Variants in CFAP299 observed in about 807,000 individuals in gnomAD.
CFAP299 encodes the protein cilia- and flagella-associated protein 299.
In CFAP299, 21 loss-of-function variants were observed where a neutral mutation model predicts 27.0. The observed-to-expected ratio is 0.78, with a 90% CI of 0.55 to 1.12. The LOEUF (loss-of-function observed/expected upper bound fraction) is 1.12. Among genes scored for constraint, CFAP299 ranks in the 50% most tolerant of loss-of-function variants. The pLI, the probability that CFAP299 is intolerant of heterozygous loss-of-function variation, is 0.00. For synonymous variants in CFAP299, 104 were observed against 98.1 expected (o/e 1.06, Z -0.36); for missense variants, 310 against 276.6 (o/e 1.12, Z -0.86).
intron 3 of CFAP299, among the ~76,000 whole-genome samples, chr4:80,740,902 C>T (rs1489578484): frequency 4.6e-5 from 7 of 152,074 alleles, no homozygotes; most frequent in Admixed American, 1.3e-4. Context: ...CAGCTTGTGG[C>T]GAATGCTGCC....
chr4:80,493,138 ATAGT>A (rs1156517066), intron 2 of CFAP299, among the ~76,000 whole-genome samples: 2 of 152,218 alleles, frequency 1.3e-5, no homozygotes, highest in East Asian at 1.9e-4. Context: ...GGTGTATATA[ATAGT>A]TATAGTTATC....
intron 3 of CFAP299, among the ~76,000 whole-genome samples, chr4:80,693,417 AATC>A (rs1198663848): frequency 4.6e-5 from 7 of 151,688 alleles, no homozygotes; most frequent in Admixed American, 3.9e-4. Flanking sequence ...TGAAATTGGA[AATC>A]ATCATTCTCA....
intron 4 of CFAP299, among the ~76,000 whole-genome samples, chr4:80,887,455 A>G (rs1302678102): frequency 5.9e-5 from 9 of 151,998 alleles, no homozygotes; most frequent in African/African-American, 2.2e-4. Flanking sequence ...AAGAAAAAAA[A>G]TACCCTTGAA....
At chr4:80,407,593 G>T (rs943518208) in intron 2 of CFAP299, among the ~76,000 whole-genome samples, 3 of 152,156 alleles carry the variant, frequency 2.0e-5, no homozygotes, top group Non-Finnish European at 4.4e-5. Flanking sequence ...GTACGAGTTT[G>T]TTCACCAAAG....
intron 5 of CFAP299, among the ~76,000 whole-genome samples, chr4:80,948,619 T>G (rs1472290523): frequency 6.6e-6 from 1 of 151,958 alleles, no homozygotes; most frequent in African/African-American, 2.4e-5. Flanking sequence ...GGTCTAAAAC[T>G]GGCATGAACC....
At chr4:80,532,361 T>C (rs954269295) in intron 2 of CFAP299, among the ~76,000 whole-genome samples, 42 of 152,216 alleles carry the variant, frequency 2.8e-4, no homozygotes, top group African/African-American at 1.0e-3. Flanking sequence ...GAATGTGATA[T>C]TAAAAAGTGG....
At chr4:80,397,451 C>G (rs190158287) in intron 2 of CFAP299, among the ~76,000 whole-genome samples, 55 of 152,190 alleles carry the variant, frequency 3.6e-4, no homozygotes, top group African/African-American at 7.5e-4. Context: ...TCTTGCTTCT[C>G]TAGTTCTTTT....
At chr4:80,689,619 C>T (rs2200478) in intron 3 of CFAP299, among the ~76,000 whole-genome samples, 141,919 of 152,198 alleles carry the variant, frequency 0.93, 66,241 homozygotes, top group East Asian at 1. Context: ...TGAGACTAGG[C>T]AGAAACTGCA....
At chr4:80,779,313 A>T (rs1165637271) in intron 3 of CFAP299, among the ~76,000 whole-genome samples, 1 of 151,850 alleles carries the variant, frequency 6.6e-6, no homozygotes, top group Non-Finnish European at 1.5e-5. Flanking sequence ...CAACACCTCT[A>T]CTCAGTATAT....
intron 2 of CFAP299, chr4:80,386,512 T>TGGG (rs151251894): frequency 1.4e-6 from 2 of 1,469,882 alleles, no homozygotes; most frequent in African/African-American, 3.0e-5. Context: ...CGGGCGGTGG[T>TGGG]GGGGGGGGGG....
At chr4:80,718,605 A>G (rs1440683968) in intron 3 of CFAP299, among the ~76,000 whole-genome samples, 1 of 152,114 alleles carries the variant, frequency 6.6e-6, no homozygotes, top group Non-Finnish European at 1.5e-5. Context: ...TAAAAGGTTG[A>G]TAATACATTA....
intron 3 of CFAP299, among the ~76,000 whole-genome samples, chr4:80,673,925 TG>T (rs1719207544): frequency 6.6e-6 from 1 of 151,332 alleles, no homozygotes; most frequent in Non-Finnish European, 1.5e-5. Flanking sequence ...TCTTTGCACA[TG>T]GGATGGGTCT....
At chr4:80,702,943 G>T (rs893065348) in intron 3 of CFAP299, among the ~76,000 whole-genome samples, 1 of 151,766 alleles carries the variant, frequency 6.6e-6, no homozygotes, top group African/African-American at 2.4e-5. Flanking sequence ...CTGTGCTAAT[G>T]CCATCCTTCA....
intron 3 of CFAP299, among the ~76,000 whole-genome samples, chr4:80,853,438 A>G (rs1397867351): frequency 1.3e-5 from 2 of 152,238 alleles, no homozygotes; most frequent in Non-Finnish European, 1.5e-5. Flanking sequence ...CCTGGAATGT[A>G]TATGCTACTT....
At chr4:80,351,893 AT>A (rs1475313308) in intron 1 of CFAP299, among the ~76,000 whole-genome samples, 1 of 150,294 alleles carries the variant, frequency 6.7e-6, no homozygotes, top group Non-Finnish European at 1.5e-5. Context: ...AATAATTATG[AT>A]TTATAAATAA....
intron 3 of CFAP299, among the ~76,000 whole-genome samples, chr4:80,591,804 A>C (rs1736803678): frequency 6.6e-6 from 1 of 152,204 alleles, no homozygotes; most frequent in Admixed American, 6.5e-5. Flanking sequence ...ATACTGCAGG[A>C]CCATTTCAAT....
At chr4:80,568,590 C>T (rs1735427286) in intron 2 of CFAP299, among the ~76,000 whole-genome samples, 1 of 152,096 alleles carries the variant, frequency 6.6e-6, no homozygotes, top group African/African-American at 2.4e-5. Flanking sequence ...TAGTGGATTG[C>T]ATTAATTTAT....
rs550827714 is a variant in CFAP299, at chr4:80,962,890, C to T, written c.607-627C>T. On this transcript the variant is annotated intron_variant, in intron 5 of 5. Coordinates refer to ENST00000358105, the MANE Select transcript of CFAP299 (RefSeq NM_152770.3). ...TCAGCTTTACCTAAACTTCTTTCTT[C>T]TCCCTTATCAATACCACATTAGCAA... Among the ~76,000 whole-genome samples the T allele has an allele frequency of 2.6e-5, 4 of 152,026 alleles. No individual in the cohort carries two copies. The East Asian group carries it at 5.8e-4, about 22-fold the overall frequency.
chr4:80,941,158 C>T (rs1012097318), intron 4 of CFAP299, among the ~76,000 whole-genome samples: 2 of 152,132 alleles, frequency 1.3e-5, no homozygotes, highest in Non-Finnish European at 2.9e-5. Flanking sequence ...ATAGTTGTTA[C>T]ACTGTACTGT....
Sources: allele counts gnomAD v4.1 joint callset (sites outside exome capture counted in the v4.1 genomes callset), GRCh38; gene constraint gnomAD v4.1.1; transcripts MANE v1.5; gene names NCBI Gene and HGNC (gene_info 2026-07-23, HGNC 2026-07-21).